UGT1A8: variants seen among roughly 807,000 people sequenced by gnomAD.
The protein encoded by UGT1A8 is UDP glucuronosyltransferase family 1 member A8.
Under a neutral mutation model 45.3 loss-of-function variants are expected in UGT1A8, and 39 were observed. The ratio of observed to expected loss-of-function variants is 0.86; its 90% CI spans 0.67 to 1.12. UGT1A8 has a LOEUF of 1.12. Ranked by LOEUF, UGT1A8 falls within the 50% of genes most tolerant of loss-of-function variation. UGT1A8 has a pLI of 0.00. For synonymous variants in UGT1A8, 275 were observed against 249.2 expected, an observed-to-expected ratio of 1.10 and a Z score of -0.97; for missense variants, 719 against 664.9, an observed-to-expected ratio of 1.08 and a Z score of -0.90.
At chr2:233,772,179 CT>C in intron 4 of UGT1A8, 82 bp from the exon 5 acceptor site, 1 of 1,585,310 alleles carries the variant, frequency 6.3e-7, no homozygotes, top group Non-Finnish European at 8.6e-7. Flanking sequence ...ATCTGGTAGT[CT>C]TCTTAAGCAG....
At chr2:233,695,523 CT>C (rs563990924) in intron 1 of UGT1A8, among the ~76,000 whole-genome samples, 59 of 151,370 alleles carry the variant, frequency 3.9e-4, no homozygotes, top group African/African-American at 1.4e-3. Flanking sequence ...AATTTTATTT[CT>C]TTTTTCTTTT....
intron 1 of UGT1A8, among the ~76,000 whole-genome samples, chr2:233,634,603 T>C (rs1319884438): frequency 6.6e-6 from 1 of 152,236 alleles, no homozygotes; most frequent in Admixed American, 6.5e-5. Flanking sequence ...AAAGTCTGTT[T>C]TTATCAGAGA....
At chr2:233,744,570 G>A (rs1351867033) in intron 1 of UGT1A8, among the ~76,000 whole-genome samples, 1 of 151,848 alleles carries the variant, frequency 6.6e-6, no homozygotes, top group Non-Finnish European at 1.5e-5. Flanking sequence ...TGAGAAGAGT[G>A]GCATCGTTTT....
intron 1 of UGT1A8, chr2:233,729,385 G>A (rs1328190991): frequency 1.9e-6 from 3 of 1,613,954 alleles, no homozygotes; most frequent in African/African-American, 1.3e-5. Flanking sequence ...GTGGACCCAG[G>A]ATGAATTTGA....
chr2:233,717,905 A>C (rs2076614960), intron 1 of UGT1A8: 1 of 454,688 alleles, frequency 2.2e-6, no homozygotes, highest in Non-Finnish European at 4.4e-6. Context: ...AGGATGAAAT[A>C]AAGGCCTGGA....
chr2:233,618,930 AG>A (rs1436135139), intron 1 of UGT1A8, among the ~76,000 whole-genome samples: 5 of 152,270 alleles, frequency 3.3e-5, no homozygotes, highest in African/African-American at 1.2e-4. Flanking sequence ...CATTAAAAAA[AG>A]TATTTTAGGT....
At chr2:233,648,320 T>G in intron 1 of UGT1A8, 1 of 531,112 alleles carries the variant, frequency 1.9e-6, no homozygotes, top group Non-Finnish European at 3.5e-6. Context: ...TATTTCTCCC[T>G]CCTCTCGGTG....
At chr2:233,622,440 A>G (rs551490265) in intron 1 of UGT1A8, among the ~76,000 whole-genome samples, 2 of 152,102 alleles carry the variant, frequency 1.3e-5, no homozygotes, top group Non-Finnish European at 2.9e-5. Context: ...GCATGAGATG[A>G]TATCTCATTG....
chr2:233,662,923 T>C (rs1305083320), intron 1 of UGT1A8, among the ~76,000 whole-genome samples: 1 of 152,126 alleles, frequency 6.6e-6, no homozygotes, highest in Non-Finnish European at 1.5e-5. Context: ...ATTTATATGG[T>C]ATGTTACTTA....
intron 1 of UGT1A8, among the ~76,000 whole-genome samples, chr2:233,622,746 C>T (rs2073031611): frequency 6.6e-6 from 1 of 152,276 alleles, no homozygotes; most frequent in East Asian, 1.9e-4. Context: ...TCCCATTTGT[C>T]AATTTTGGCT....
chr2:233,759,264 GCTGCATT>G (rs1697095056), intron 1 of UGT1A8, among the ~76,000 whole-genome samples: 1 of 152,204 alleles, frequency 6.6e-6, no homozygotes, highest in South Asian at 2.1e-4. Context: ...GGTCACTGCA[GCTGCATT>G]CTGATTGGTT....
intron 1 of UGT1A8, among the ~76,000 whole-genome samples, chr2:233,757,972 C>G (rs768947894): frequency 2.6e-4 from 40 of 152,096 alleles, no homozygotes; most frequent in Non-Finnish European, 3.4e-4. Context: ...TTTCTCAGCC[C>G]CTAGAGCACC....
At chr2:233,752,950 A>G (rs1198772139) in intron 1 of UGT1A8, among the ~76,000 whole-genome samples, 1 of 152,220 alleles carries the variant, frequency 6.6e-6, no homozygotes, top group Non-Finnish European at 1.5e-5. Context: ...ACCACTGAAC[A>G]ATGGGATTTA....
intron 1 of UGT1A8, among the ~76,000 whole-genome samples, chr2:233,759,343 G>T (rs548174363): frequency 1.3e-5 from 2 of 152,096 alleles, no homozygotes; most frequent in Non-Finnish European, 1.5e-5. Context: ...TCAGGTGAGC[G>T]CTGAAAATCT....
At chr2:233,744,164 C>T (rs974356538) in intron 1 of UGT1A8, 1 of 281,484 alleles carries the variant, frequency 3.6e-6, no homozygotes, top group African/African-American at 2.2e-5. Context: ...GCCCCGCCCA[C>T]TCCGGCCTCC....
Position 233,761,147 on chromosome 2 carries a change from C to A in UGT1A8, c.856-5887C>A. 1.9e-6 allele frequency: 3 copies of A among 1,614,204 alleles called. No individual in the cohort carries two copies. In the South Asian group the frequency reaches 3.3e-5, roughly 18 times the overall value. ...AACTGCCTTCACCAAAATCCACTATCCCAGGTGTGTATTGGAGTGGGACTT... is the reference window on the plus strand; with the variant it reads ...AACTGCCTTCACCAAAATCCACTATACCAGGTGTGTATTGGAGTGGGACTT... On this transcript the variant is annotated intron_variant, in intron 1 of 4. Transcript: ENST00000373450.
chr2:233,668,365 T>C (rs916076601), intron 1 of UGT1A8, among the ~76,000 whole-genome samples: 7 of 152,226 alleles, frequency 4.6e-5, no homozygotes, highest in Admixed American at 3.9e-4. Flanking sequence ...TTCATCCATG[T>C]CGCTACAAAG....
At chr2:233,734,101 TATA>T (rs549143261) in intron 1 of UGT1A8, among the ~76,000 whole-genome samples, 12 of 151,314 alleles carry the variant, frequency 7.9e-5, no homozygotes, top group South Asian at 4.2e-4. Flanking sequence ...AAACTTAAAG[TATA>T]ATAATAATAA....
rs1244935372 is a variant in UGT1A8, at chr2:233,631,448, CCCA to C, written c.855+12890_855+12892del. Among the ~76,000 whole-genome samples the C allele has an allele frequency of 2.0e-5, 3 of 152,262 alleles. No homozygotes were observed. In the East Asian group the frequency reaches 5.8e-4, roughly 29 times the overall value. On this transcript the variant is annotated intron_variant, in intron 1 of 4. Coordinates refer to ENST00000373450, the MANE Select transcript of UGT1A8 (RefSeq NM_019076.5). Reference sequence around the variant, plus strand: ...CACAATGGTTGAACTAATTTACACTCCCACCAACAGCATAAAAGCGTTCCTATT... The same window carrying C: ...CACAATGGTTGAACTAATTTACACTCCCAACAGCATAAAAGCGTTCCTATT...
Sources: allele counts gnomAD v4.1 joint callset (sites outside exome capture counted in the v4.1 genomes callset), GRCh38; gene constraint gnomAD v4.1.1; transcripts MANE v1.5; gene names NCBI Gene and HGNC (gene_info 2026-07-23, HGNC 2026-07-21).